Variants in PTMS observed in about 807,000 individuals in gnomAD.
PTMS encodes parathymosin.
PTMS carries 5 observed loss-of-function variants against 18.4 expected under a neutral mutation model. That is an observed-to-expected ratio of 0.27 (90% CI 0.14 to 0.57). The LOEUF (loss-of-function observed/expected upper bound fraction) is 0.57, where lower values mean the gene tolerates loss of function less well. Among genes scored for constraint, PTMS ranks in the 20% least tolerant of loss-of-function variants. The pLI, the probability that PTMS is intolerant of heterozygous loss-of-function variation, is 0.92. For synonymous variants in PTMS, 53 were observed against 47.7 expected (o/e 1.11, Z -0.46); for missense variants, 93 against 124.6 (o/e 0.75, Z 1.21).
At chr12:6,768,726 C>T (rs1385095865) in intron 1 of PTMS, among the ~76,000 whole-genome samples, 4 of 152,160 alleles carry the variant, frequency 2.6e-5, no homozygotes, top group African/African-American at 4.8e-5. Flanking sequence ...CAGCACAGGA[C>T]GTCAACCTAT....
chr12:6,769,899 C>T (rs1176959860), intron 2 of PTMS, 22 bp from the exon 3 acceptor site: 1 of 1,568,236 alleles, frequency 6.4e-7, no homozygotes, highest in South Asian at 1.2e-5. Context: ...CCTGAGGCTA[C>T]TCCCTCTCCT....
At position 6,766,436 on chromosome 12, in the gene PTMS, C is replaced by T; in HGVS notation, c.-270C>T. On this transcript the variant is annotated 5_prime_UTR_variant, in exon 1 of 5. Transcript: ENST00000309083. Reference sequence around the variant, plus strand: ...GATCGAGCTACCGCGGCCGAGCGCGCCGGCCACCGCCTGCACCGCCCTTCC... The same window carrying T: ...GATCGAGCTACCGCGGCCGAGCGCGTCGGCCACCGCCTGCACCGCCCTTCC... 1 of 180,602 alleles carries T rather than the reference C, an allele frequency of 5.5e-6. No individual in the cohort carries two copies. The highest frequency in any genetic ancestry group is 1.1e-5 in the Non-Finnish European group (1 of 89,012). The allele number at this position is 180,602 out of a possible 1,614,324, so 11.2% of individuals were successfully genotyped here. A position where few individuals can be genotyped will look rare whatever the true frequency, so the allele number is the denominator to read the frequency against.
rs1941812163 is a variant in PTMS, at chr12:6,769,653, G to A, written c.96G>A (p.Glu32=). 3 of 1,613,958 alleles carry A rather than the reference G, an allele frequency of 1.9e-6. No homozygotes were observed. Among genetic ancestry groups the A allele is most frequent in the African/African-American group, 2.7e-5 (2 of 74,888 alleles). Residue 32 remains glutamate, a synonymous_variant, in exon 2 of 5, where the codon GAG becomes GAA. Coordinates refer to ENST00000309083, the MANE Select transcript of PTMS (RefSeq NM_002824.6). ...TGGAGGAGAAGGCAAGCCGGAAAGA[G>A]CGAAAGAAAGAAGTGGTGGAGGTGT... ...EKVEEKASRK[E]RKKEVVEEEE...
rs772526238 is a variant in PTMS at position 6,770,004 on chromosome 12, G to A, written c.196+5G>A. ...AAGATGAAGGGGAAGAAGAAGGTGG[G>A]GAGGGGCAGGGGAGGCTGGGCTGGC... On this transcript the variant is annotated splice_donor_5th_base_variant and intron_variant, in intron 3 of 4. Coordinates refer to ENST00000309083, the MANE Select transcript of PTMS (RefSeq NM_002824.6). The surrounding 1 kb of genome is among the most constrained non-coding windows in gnomAD (Gnocchi z 7.3). The A allele has an allele frequency of 1.9e-6, 3 of 1,557,760 alleles. No homozygotes were observed. Among genetic ancestry groups the A allele is most frequent in the Non-Finnish European group, 2.6e-6 (3 of 1,150,560 alleles).
chr12:6,769,607 TGAAGGAGAA>T lies in PTMS; in HGVS notation c.61_69del (p.Lys21_Lys23del). 1 of 1,613,598 alleles carries T rather than the reference TGAAGGAGAA, an allele frequency of 6.2e-7. No homozygotes were observed. The highest frequency in any genetic ancestry group is 1.1e-5 in the South Asian group (1 of 91,068). ...TGACCTCTTTCTCCTTTGCAGGACCTGAAGGAGAAGAAGGAGAAGGTGGAGGAGAAGGCA... is the reference window on the plus strand; with the variant it reads ...TGACCTCTTTCTCCTTTGCAGGACCTGAAGGAGAAGGTGGAGGAGAAGGCA... On this transcript the variant is annotated inframe_deletion, in exon 2 of 5. Transcript: ENST00000309083.
intron 1 of PTMS, chr12:6,769,179 T>A: frequency 4.2e-6 from 1 of 236,390 alleles, no homozygotes; most frequent in African/African-American, 2.5e-5. Flanking sequence ...GCCCCAGAGG[T>A]AGACAAAAGG....
chr12:6,766,572 G>A lies in PTMS; in HGVS notation c.-134G>A, dbSNP rs2137796923. 2.0e-5 allele frequency: 7 copies of A among 352,186 alleles called. No homozygotes were observed. The highest frequency in any genetic ancestry group is 6.9e-5 in the African/African-American group (3 of 43,226). The allele number at this position is 352,186 out of a possible 1,614,324, so 21.8% of individuals were successfully genotyped here. A position where few individuals can be genotyped will look rare whatever the true frequency, so the allele number is the denominator to read the frequency against. On this transcript the variant is annotated 5_prime_UTR_variant, in exon 1 of 5. Transcript: ENST00000309083. ...CAGAGACCCAGCTTGCCGAGCGGCCGCCGCTGCCGCTGTCGCCGCCGCCGC... is the reference window on the plus strand; with the variant it reads ...CAGAGACCCAGCTTGCCGAGCGGCCACCGCTGCCGCTGTCGCCGCCGCCGC...
Position 6,766,439 on chromosome 12 carries a change from G to A in PTMS, c.-267G>A. The A allele has an allele frequency of 5.4e-6, 1 of 185,142 alleles. No individual in the cohort carries two copies. 11.5% of individuals were successfully genotyped at this position (185,142 alleles called of 1,614,324 possible). A position where few individuals can be genotyped will look rare whatever the true frequency, so the allele number is the denominator to read the frequency against. ...CGAGCTACCGCGGCCGAGCGCGCCG[G>A]CCACCGCCTGCACCGCCCTTCCGCC... On this transcript the variant is annotated 5_prime_UTR_variant, in exon 1 of 5. Transcript: ENST00000309083.
rs778683859 is a variant in PTMS at position 6,770,161 on chromosome 12, GGAA to G, written c.213_215del (p.Glu72del). ...GACCCATTTCTGGCTCCTCAGATGA[GGAA>G]GAAGAAGAAGAGGATGATGAAGGGC... On this transcript the variant is annotated inframe_deletion, in exon 4 of 5. Transcript: ENST00000309083. The surrounding 1 kb of genome is among the most constrained non-coding windows in gnomAD (Gnocchi z 7.3). 28 of 1,613,920 alleles carry G rather than the reference GGAA, an allele frequency of 1.7e-5. No individual in the cohort carries two copies. The highest frequency in any genetic ancestry group is 3.3e-5 in the Admixed American group (2 of 60,002).
chr12:6,769,668 G>C lies in PTMS; in HGVS notation c.111G>C (p.Val37=), dbSNP rs986913722. 5 of 1,613,944 alleles carry C rather than the reference G, an allele frequency of 3.1e-6. No individual in the cohort carries two copies. The African/African-American group carries it at 6.7e-5, about 22-fold the overall frequency. ...GCCGGAAAGAGCGAAAGAAAGAAGT[G>C]GTGGAGGTGTGGAGGGGTGGGGGAG... ...KASRKERKKE[V]VEEEENGAEE... Residue 37 remains valine (V), a synonymous_variant, in exon 2 of 5, where the codon GTG becomes GTC. Coordinates refer to ENST00000309083, the MANE Select transcript of PTMS (RefSeq NM_002824.6).
chr12:6,769,859 G>C, intron 2 of PTMS, 62 bp from the exon 3 acceptor site: 1 of 1,598,424 alleles, frequency 6.3e-7, no homozygotes, highest in South Asian at 1.1e-5. Flanking sequence ...AGTCCCATTG[G>C]TGGTGATGGT....
In PTMS at chr12:6,770,018, G is replaced by A. The variant is rs1207887054; in HGVS notation, c.196+19G>A. 7 of 1,561,142 alleles carry A rather than the reference G, an allele frequency of 4.5e-6. No individual in the cohort carries two copies. Among genetic ancestry groups the A allele is most frequent in the African/African-American group, 1.4e-5 (1 of 73,274 alleles). On this transcript the variant is annotated intron_variant, in intron 3 of 4. Transcript: ENST00000309083. This position sits in a 1 kb window ranked among gnomAD's most constrained non-coding sequence, Gnocchi z 7.3. ...GAAGAAGGTGGGGAGGGGCAGGGGA[G>A]GCTGGGCTGGCAAAGTCTGGGCTCA...
chr12:6,770,684 T>C lies in PTMS; in HGVS notation c.*242T>C. The C allele has an allele frequency of 1.7e-6, 1 of 585,618 alleles. No individual in the cohort carries two copies. Among genetic ancestry groups the C allele is most frequent in the South Asian group, 2.0e-5 (1 of 49,584 alleles). The allele number at this position is 585,618 out of a possible 1,614,324, so 36.3% of individuals were successfully genotyped here. On this transcript the variant is annotated 3_prime_UTR_variant, in exon 5 of 5. Transcript: ENST00000309083. This position sits in a 1 kb window ranked among gnomAD's most constrained non-coding sequence, Gnocchi z 7.3. ...TCTGAGCTCTCCAGCTGGCCCCCAA[T>C]TGCTCCTCTCTCTCTTTGCTCTCTT...
chr12:6,766,568 G>GGCC lies in PTMS; in HGVS notation c.-132_-130dup. 3.0e-6 allele frequency: 1 copy of GGCC among 329,836 alleles called. No homozygotes were observed. Among genetic ancestry groups the GGCC allele is most frequent in the Non-Finnish European group, 5.1e-6 (1 of 197,496 alleles). 20.4% of individuals were successfully genotyped at this position (329,836 alleles called of 1,614,324 possible). ...CTTCCAGAGACCCAGCTTGCCGAGC[G>GGCC]GCCGCCGCTGCCGCTGTCGCCGCCG... On this transcript the variant is annotated 5_prime_UTR_variant, in exon 1 of 5. Transcript: ENST00000309083.
Position 6,768,099 on chromosome 12 carries a change from C to A in PTMS, c.45+1349C>A, listed in dbSNP as rs1269839851. ...AGACCTAGGGCCCAGGTCACATATT[C>A]TCCTGGAAAAGGGATCATGGAAGGA... is the stretch of plus-strand genomic sequence containing the variant. On this transcript the variant is annotated intron_variant, in intron 1 of 4. Coordinates refer to ENST00000309083, the MANE Select transcript of PTMS (RefSeq NM_002824.6). 3.3e-5 allele frequency among the ~76,000 whole-genome samples: 5 copies of A among 152,176 alleles called. No homozygotes were observed. The East Asian group carries it at 9.6e-4, about 29-fold the overall frequency.
In PTMS at chr12:6,770,860, T is replaced by TG. The variant is rs970479556; in HGVS notation, c.*422dup. On this transcript the variant is annotated 3_prime_UTR_variant, in exon 5 of 5. Transcript: ENST00000309083. This position sits in a 1 kb window ranked among gnomAD's most constrained non-coding sequence, Gnocchi z 7.3. ...CTTCTCAGACAGCGCCAGGCCGGGG[T>TG]GGGGCCGGGGTTGGGGCCGAGCCCC... 5.2e-6 allele frequency: 1 copy of TG among 193,104 alleles called. No homozygotes were observed. Among genetic ancestry groups the TG allele is most frequent in the Non-Finnish European group, 1.1e-5 (1 of 93,084 alleles). 12.0% of individuals were successfully genotyped at this position (193,104 alleles called of 1,614,324 possible).
intron 1 of PTMS, chr12:6,769,243 G>T (rs929977439): frequency 1.1e-5 from 3 of 283,412 alleles, no homozygotes; most frequent in African/African-American, 4.6e-5. Flanking sequence ...GGACACAGGA[G>T]GGGGCGGGGC....
chr12:6,767,775 T>A (rs904338013), intron 1 of PTMS, among the ~76,000 whole-genome samples: 12 of 152,214 alleles, frequency 7.9e-5, no homozygotes, highest in African/African-American at 2.9e-4. Flanking sequence ...GTGACTTCAC[T>A]GAGTAGGTGT....
chr12:6,767,604 G>GC lies in PTMS; in HGVS notation c.45+854_45+855insC, dbSNP rs1037539044. Reference sequence around the variant, plus strand: ...TGTGTGTGTATGTGTATGGCGGGGGGGGGGGGCGCGGTGGTTGCTGAGGGG... The same window carrying GC: ...TGTGTGTGTATGTGTATGGCGGGGGGCGGGGGGCGCGGTGGTTGCTGAGGGG... On this transcript the variant is annotated intron_variant, in intron 1 of 4. Coordinates refer to ENST00000309083, the MANE Select transcript of PTMS (RefSeq NM_002824.6). 22 of 138,786 alleles carry GC rather than the reference G, an allele frequency of 1.6e-4. 7 individuals carry two copies. Among genetic ancestry groups the GC allele is most frequent in the African/African-American group, 5.3e-4 (20 of 37,752 alleles). 8.6% of individuals were successfully genotyped at this position (138,786 alleles called of 1,614,324 possible). A position where few individuals can be genotyped will look rare whatever the true frequency, so the allele number is the denominator to read the frequency against.
Sources: gnomAD v4.1 joint callset for allele counts (sites outside exome capture counted in the v4.1 genomes callset) on GRCh38, gnomAD v4.1.1 for gene constraint, Gnocchi (gnomAD v3.1) non-coding constraint, MANE v1.5 for transcripts, NCBI Gene and HGNC (gene_info 2026-07-23, HGNC 2026-07-21) for gene names.